Variants in FLYWCH1 observed in about 807,000 individuals in gnomAD.
FLYWCH1 encodes FLYWCH-type zinc finger 1, also known as FLYWCH-type zinc finger-containing protein 1.
In FLYWCH1, 75 loss-of-function variants were observed where a neutral mutation model predicts 66.4. The observed-to-expected ratio is 1.13, with a 90% confidence interval of 0.94 to 1.37. The LOEUF (loss-of-function observed/expected upper bound fraction) is 1.37. Among genes scored for constraint, FLYWCH1 ranks in the 40% most tolerant of loss-of-function variants. The pLI is 0.00. For synonymous variants in FLYWCH1, 595 were observed against 429.9 expected (o/e 1.38, Z -4.75); for missense variants, 1,334 against 1,001.8 (o/e 1.33, Z -4.48).
intron 2 of FLYWCH1, chr16:2,915,556 G>A (rs778466536): frequency 6.6e-6 from 1 of 152,162 alleles, no homozygotes. Flanking sequence ...CTAGGGCACT[G>A]TTTTTGAAAC....
At chr16:2,927,104 G>A (rs1451344565) in intron 2 of FLYWCH1, among the ~76,000 whole-genome samples, 1 of 152,196 alleles carries the variant, frequency 6.6e-6, no homozygotes, top group Non-Finnish European at 1.5e-5. Flanking sequence ...CTCAAGTGGT[G>A]TGTGCCATGC....
At chr16:2,941,860 A>AAGAT (rs2071274795) in intron 9 of FLYWCH1, among the ~76,000 whole-genome samples, 1 of 151,880 alleles carries the variant, frequency 6.6e-6, no homozygotes, top group Non-Finnish European at 1.5e-5. Flanking sequence ...ATCTCTACTA[A>AAGAT]AGATAGAAAA....
At chr16:2,913,493 C>T (rs1290005779) in intron 1 of FLYWCH1, among the ~76,000 whole-genome samples, 1 of 152,016 alleles carries the variant, frequency 6.6e-6, no homozygotes, top group Non-Finnish European at 1.5e-5. Flanking sequence ...AATTCTGCAC[C>T]CCAGGGAACG....
chr16:2,938,152 G>A, intron 7 of FLYWCH1, 32 bp from the exon 8 acceptor site: 1 of 1,601,910 alleles, frequency 6.2e-7, no homozygotes, highest in South Asian at 1.1e-5. Flanking sequence ...AGGCCCCTGT[G>A]GCCCCACTCA....
rs754685643 is a variant in FLYWCH1 at position 2,940,036 on chromosome 16, G to C, written c.2055G>C (p.Lys685Asn). 3 of 1,601,062 alleles carry C rather than the reference G, an allele frequency of 1.9e-6. No homozygotes were observed. The highest frequency in any genetic ancestry group is 2.7e-5 in the African/African-American group (2 of 74,806). ...TTTTCAATTATTTTTCCACAGAAAAGATTCAAGTTCAGCTGTGCTTCAAGA... is the reference window on the plus strand; with the variant it reads ...TTTTCAATTATTTTTCCACAGAAAACATTCAAGTTCAGCTGTGCTTCAAGA... ...PTTAQQEDPE[K>N]IQVQLCFKTC... Residue 685 changes from lysine to asparagine, a missense_variant, in exon 9 of 10, where the codon AAG (lysine) becomes AAC (asparagine). Physicochemically the swap from Lys to Asn is moderately conservative, Grantham distance 94. Coordinates refer to ENST00000253928, the MANE Select transcript of FLYWCH1 (RefSeq NM_001308068.2).
At chr16:2,933,057 C>T in intron 4 of FLYWCH1, 73 bp from the exon 5 acceptor site, 1 of 1,342,152 alleles carries the variant, frequency 7.5e-7, no homozygotes, top group African/African-American at 1.5e-5. Flanking sequence ...TCAGCCCCCA[C>T]AGTCTGCAGG....
intron 6 of FLYWCH1, chr16:2,936,656 C>A (rs1356469909): frequency 2.2e-6 from 1 of 459,678 alleles, no homozygotes; most frequent in East Asian, 6.9e-5. Context: ...GGACGCTGCT[C>A]CCTGCCTCTT....
chr16:2,939,388 G>T (rs546847419), intron 8 of FLYWCH1, among the ~76,000 whole-genome samples: 4 of 152,026 alleles, frequency 2.6e-5, no homozygotes, highest in Non-Finnish European at 4.4e-5. Flanking sequence ...CCTGGGAGGC[G>T]GAGGTTGCAG....
intron 6 of FLYWCH1, among the ~76,000 whole-genome samples, chr16:2,934,241 CCCT>C (rs1338902882): frequency 4.6e-5 from 7 of 152,154 alleles, no homozygotes; most frequent in Non-Finnish European, 5.9e-5. Flanking sequence ...GACCTCCCTG[CCCT>C]CCTCTTCCTC....
intron 2 of FLYWCH1, among the ~76,000 whole-genome samples, chr16:2,921,665 G>A (rs1048798065): frequency 2.0e-5 from 3 of 152,146 alleles, no homozygotes; most frequent in African/African-American, 7.2e-5. Flanking sequence ...TGGAGGCTGA[G>A]GTGGGAAGAT....
At chr16:2,940,139 C>T (rs78828490) in intron 9 of FLYWCH1, 47 bp downstream of exon 9, 28 of 890,952 alleles carry the variant, frequency 3.1e-5, no homozygotes, top group East Asian at 1.2e-4. Context: ...TACAACAAAA[C>T]GTAGTGGGCT....
chr16:2,937,596 G>T (rs2150985748), intron 7 of FLYWCH1, among the ~76,000 whole-genome samples: 1 of 152,314 alleles, frequency 6.6e-6, no homozygotes, highest in African/African-American at 2.4e-5. Flanking sequence ...GTCGGAGGTA[G>T]AAACCCACTC....
chr16:2,914,609 C>G (rs1462964776), intron 2 of FLYWCH1, among the ~76,000 whole-genome samples: 1 of 152,126 alleles, frequency 6.6e-6, no homozygotes, highest in Non-Finnish European at 1.5e-5. Context: ...GAAATCTGTA[C>G]TGAGTGCAGC....
At chr16:2,918,518 G>A (rs547026224) in intron 2 of FLYWCH1, among the ~76,000 whole-genome samples, 1 of 150,764 alleles carries the variant, frequency 6.6e-6, no homozygotes, top group South Asian at 2.1e-4. Flanking sequence ...TTGGCTCACT[G>A]CAACCTCCAC....
chr16:2,947,130 A>G (rs1489848450), intron 9 of FLYWCH1, among the ~76,000 whole-genome samples: 1 of 152,232 alleles, frequency 6.6e-6, no homozygotes, highest in Non-Finnish European at 1.5e-5. Context: ...TATTTATACG[A>G]TGAAATATTG....
chr16:2,922,686 C>A (rs1439081415), intron 2 of FLYWCH1: 1 of 473,166 alleles, frequency 2.1e-6, no homozygotes, highest in Non-Finnish European at 4.2e-6. Context: ...GTTGGCCACA[C>A]CCAAAGCATC....
At chr16:2,940,124 C>T (rs1215381245) in intron 9 of FLYWCH1, 32 bp downstream of exon 9, 2 of 993,248 alleles carry the variant, frequency 2.0e-6, no homozygotes, top group Non-Finnish European at 1.6e-6. Context: ...TGGTGCATGA[C>T]CAATTACAAC....
At chr16:2,948,624 T>G (rs986844899) in intron 9 of FLYWCH1, 64 bp from the exon 10 acceptor site, 1 of 1,537,346 alleles carries the variant, frequency 6.5e-7, no homozygotes, top group Non-Finnish European at 9.0e-7. Flanking sequence ...TCCTGAACTT[T>G]CTGTGTTATC....
intron 8 of FLYWCH1, 149 bp downstream of exon 8, chr16:2,938,605 T>C: frequency 1.6e-6 from 1 of 630,798 alleles, no homozygotes; most frequent in Non-Finnish European, 2.2e-6. Flanking sequence ...AAACCAGTCT[T>C]TGTTTTTTTT....
Sources: allele counts gnomAD v4.1 joint callset (sites outside exome capture counted in the v4.1 genomes callset), GRCh38; gene constraint gnomAD v4.1.1; transcripts MANE v1.5; gene names NCBI Gene and HGNC (gene_info 2026-07-23, HGNC 2026-07-21).